Variants in GPX6 observed in about 807,000 individuals in gnomAD.
GPX6 encodes the protein glutathione peroxidase 6 (olfactory).
In GPX6, 21 loss-of-function variants were observed where a neutral mutation model predicts 20.0. The ratio of observed to expected loss-of-function variants is 1.05; its 90% CI spans 0.74 to 1.51. GPX6 has a LOEUF of 1.51. Among genes scored for constraint, GPX6 ranks in the 40% most tolerant of loss-of-function variants. The pLI is 0.00. For synonymous variants in GPX6, 75 were observed against 98.0 expected (o/e 0.77, Z 1.38); for missense variants, 233 against 254.7 (o/e 0.91, Z 0.58).
chr6:28,515,698 C>G lies in GPX6; in HGVS notation c.46G>C (p.Val16Leu). The G allele has an allele frequency of 1.2e-6, 2 of 1,614,028 alleles. No homozygotes were observed. Among genetic ancestry groups the G allele is most frequent in the Non-Finnish European group, 1.7e-6 (2 of 1,179,946 alleles). ...QASCLVLFFL[V>L]GFAQQTLKPQ... is the part of the protein sequence containing the mutation. Reference sequence around the variant, plus strand: ...TTTAGGGTCTGCTGAGCAAAGCCAACCAGGAAAAACAGGACAAGACAGGAG... The same window carrying G: ...TTTAGGGTCTGCTGAGCAAAGCCAAGCAGGAAAAACAGGACAAGACAGGAG... Residue 16 changes from valine to leucine, a missense_variant, in exon 1 of 5, where the codon GTT (valine) becomes CTT (leucine). Val to Leu is a conservative substitution (Grantham distance 32, BLOSUM62 1). Coordinates refer to ENST00000361902, the MANE Select transcript of GPX6 (RefSeq NM_182701.1).
chr6:28,514,230 G>T (rs1387706388), intron 1 of GPX6, among the ~76,000 whole-genome samples: 1 of 152,156 alleles, frequency 6.6e-6, no homozygotes, highest in East Asian at 1.9e-4. Flanking sequence ...AACTTCCAAA[G>T]ATTTGGTTCT....
intron 1 of GPX6, among the ~76,000 whole-genome samples, chr6:28,512,531 G>C (rs770396532): frequency 7.2e-5 from 11 of 152,184 alleles, no homozygotes; most frequent in Non-Finnish European, 1.5e-4. Context: ...TCCGCACCCT[G>C]TCAAAACAGA....
rs1431045246 is a variant in GPX6, at chr6:28,510,885, AC to A, written c.106del (p.Val36Ter). 26 of 1,609,416 alleles carry A rather than the reference AC, an allele frequency of 1.6e-5. No homozygotes were observed. The highest frequency in any genetic ancestry group is 2.0e-5 in the Non-Finnish European group (23 of 1,177,454). ...TCCATACTCATAGATGGTGCCTGTT[AC>A]CCCTTTGTTGCAATCCACCTGGAAT... ...QNRKVDCNKG[V>X]TGTIYEYGAL... On this transcript the variant is annotated frameshift_variant, in exon 2 of 5. Coordinates refer to ENST00000361902, the MANE Select transcript of GPX6 (RefSeq NM_182701.1). LOFTEE classifies it high-confidence loss of function.
intron 1 of GPX6, among the ~76,000 whole-genome samples, chr6:28,512,803 G>A (rs564420992): frequency 8.5e-4 from 129 of 152,228 alleles, no homozygotes; most frequent in Middle Eastern, 3.4e-3. Flanking sequence ...CCACCGGGAG[G>A]AATGAACAAC....
chr6:28,511,207 C>T (rs1267923310), intron 1 of GPX6, among the ~76,000 whole-genome samples: 1 of 152,208 alleles, frequency 6.6e-6, no homozygotes, highest in African/African-American at 2.4e-5. Flanking sequence ...CCCCGACATC[C>T]TAACACTCCG....
At position 28,510,802 on chromosome 6, in the gene GPX6, C is replaced by T; in HGVS notation, c.190G>A (p.Val64Ile). 2 of 1,614,020 alleles carry T rather than the reference C, an allele frequency of 1.2e-6. No homozygotes were observed. The highest frequency in any genetic ancestry group is 2.2e-5 in the East Asian group (1 of 44,892). The part of the protein sequence containing the change: ...IQFKQFAGKH[V>I]LFVNVAAYUG... ...TAGGCGGCCACATTGACAAACAGGA[C>T]GTGCTTGCCTGCAAACTGCTTGAAT... is the stretch of plus-strand genomic sequence containing the variant. Residue 64 changes from valine (V) to isoleucine (I), a missense_variant, in exon 2 of 5, where the codon GTC becomes ATC. Coordinates refer to ENST00000361902, the MANE Select transcript of GPX6 (RefSeq NM_182701.1).
intron 1 of GPX6, among the ~76,000 whole-genome samples, chr6:28,515,168 C>T (rs1763001109): frequency 6.6e-6 from 1 of 152,172 alleles, no homozygotes; most frequent in African/African-American, 2.4e-5. Flanking sequence ...CTTTCTGTGA[C>T]CTAGAAACTC....
intron 1 of GPX6, among the ~76,000 whole-genome samples, chr6:28,511,843 G>A (rs887039031): frequency 2.0e-5 from 3 of 152,268 alleles, no homozygotes; most frequent in Non-Finnish European, 4.4e-5. Flanking sequence ...TGTGGAGGGA[G>A]AGGCGCTGGA....
At chr6:28,512,753 G>A (rs60661227) in intron 1 of GPX6, among the ~76,000 whole-genome samples, 2,174 of 152,252 alleles carry the variant, frequency 0.014, 23 homozygotes, top group African/African-American at 0.024. Flanking sequence ...TCACCGTGAA[G>A]GTCTACAGCT....
rs1319485554 is a variant in GPX6 at position 28,503,989 on chromosome 6, T to TG, written c.*302dup. 6.0e-6 allele frequency: 2 copies of TG among 330,822 alleles called. No individual in the cohort carries two copies. The highest frequency in any genetic ancestry group is 1.1e-5 in the Non-Finnish European group (2 of 181,674). The allele number at this position is 330,822 out of a possible 1,614,324, so 20.5% of individuals were successfully genotyped here. ...AATAGATATTTCAGGATCAGAGAGT[T>TG]GGAGAGATAGGTGTTCTTTTCCTTA... On this transcript the variant is annotated 3_prime_UTR_variant, in exon 5 of 5. Coordinates refer to ENST00000361902, the MANE Select transcript of GPX6 (RefSeq NM_182701.1).
intron 1 of GPX6, among the ~76,000 whole-genome samples, chr6:28,513,474 G>A (rs765297536): frequency 6.6e-6 from 1 of 152,128 alleles, no homozygotes; most frequent in Non-Finnish European, 1.5e-5. Flanking sequence ...CACACGCCCC[G>A]TCGCATGCCT....
chr6:28,514,542 G>A (rs1762990009), intron 1 of GPX6, among the ~76,000 whole-genome samples: 1 of 152,150 alleles, frequency 6.6e-6, no homozygotes, highest in South Asian at 2.1e-4. Flanking sequence ...GCTTGTAATA[G>A]GCACCATCTT....
chr6:28,513,368 C>G (rs766709204), intron 1 of GPX6, among the ~76,000 whole-genome samples: 17 of 152,208 alleles, frequency 1.1e-4, no homozygotes, highest in Admixed American at 5.2e-4. Context: ...CACTCCTAGA[C>G]ACTGCCTTAA....
At position 28,515,222 on chromosome 6, in the gene GPX6, G is replaced by A. The variant is rs188875101; in HGVS notation, c.87+435C>T. 2.6e-3 allele frequency among the ~76,000 whole-genome samples: 390 copies of A among 152,210 alleles called. 4 individuals carry two copies. Among genetic ancestry groups the A allele is most frequent in the Admixed American group, 0.017 (258 of 15,304 alleles). ...CCAGATTCTCTCACCTCTCCCTCTG[G>A]GTTTCTGGCTGAGCAGCCTCTCCAG... On this transcript the variant is annotated intron_variant, in intron 1 of 4. Coordinates refer to ENST00000361902, the MANE Select transcript of GPX6 (RefSeq NM_182701.1).
chr6:28,514,021 G>A (rs922789957), intron 1 of GPX6, among the ~76,000 whole-genome samples: 1 of 152,198 alleles, frequency 6.6e-6, no homozygotes, highest in Non-Finnish European at 1.5e-5. Flanking sequence ...ATTAGCCTAA[G>A]AAACCCACTA....
In GPX6 at chr6:28,506,570, G is replaced by C. The variant is rs1762808355; in HGVS notation, c.242-141C>G. The C allele has an allele frequency of 7.1e-6, 4 of 565,154 alleles. No individual in the cohort carries two copies. In the South Asian group the frequency reaches 1.0e-4, roughly 14 times the overall value. 35.0% of individuals were successfully genotyped at this position (565,154 alleles called of 1,614,324 possible). Reference sequence around the variant, plus strand: ...AAGATTCAAGGTTACAGAGATCAAAGGAGTAGAGAAAAAAAAAAAAGACTA... The same window carrying C: ...AAGATTCAAGGTTACAGAGATCAAACGAGTAGAGAAAAAAAAAAAAGACTA... On this transcript the variant is annotated intron_variant, in intron 2 of 4. Transcript: ENST00000361902.
chr6:28,513,175 T>TTCTCCATGCCCACGTGTGATCCGA (rs1290993424), intron 1 of GPX6, among the ~76,000 whole-genome samples: 4 of 152,198 alleles, frequency 2.6e-5, no homozygotes, highest in Non-Finnish European at 4.4e-5. Flanking sequence ...CTTGCACTTA[T>TTCTCCATGCCCACGTGTGATCCGA]TCTCCATGCC....
At chr6:28,513,058 G>C (rs1362981030) in intron 1 of GPX6, among the ~76,000 whole-genome samples, 1 of 152,192 alleles carries the variant, frequency 6.6e-6, no homozygotes, top group Non-Finnish European at 1.5e-5. Flanking sequence ...GAGCACACTG[G>C]AAGGCCATTG....
chr6:28,510,252 T>G (rs1159767794), intron 2 of GPX6, among the ~76,000 whole-genome samples: 1 of 152,192 alleles, frequency 6.6e-6, no homozygotes, highest in African/African-American at 2.4e-5. Context: ...TGCTGCTTCT[T>G]TACCAGTTAC....
Sources: gnomAD v4.1 joint callset for allele counts (sites outside exome capture counted in the v4.1 genomes callset) on GRCh38, gnomAD v4.1.1 for gene constraint, MANE v1.5 for transcripts, NCBI Gene and HGNC (gene_info 2026-07-23, HGNC 2026-07-21) for gene names.